EDDM3A: variants seen among roughly 807,000 people sequenced by gnomAD.
EDDM3A encodes the protein epididymal secretory protein E3-alpha.
For synonymous variants in EDDM3A, 75 were observed against 60.4 expected (o/e 1.24, Z -1.12); for missense variants, 199 against 177.4 (o/e 1.12, Z -0.69).
At chr14:20,736,609 C>T in the EDDM3A span, among the ~76,000 whole-genome samples, 1 of 152,162 alleles carries the variant, frequency 6.6e-6, no homozygotes, top group Non-Finnish European at 1.5e-5. Context: ...TCATATTACT[C>T]TTTGGTTTTC....
In EDDM3A at chr14:20,748,082, G is replaced by T; in HGVS notation, c.*58G>T. The T allele has an allele frequency of 7.3e-7, 1 of 1,372,478 alleles. No individual in the cohort carries two copies. The highest frequency in any genetic ancestry group is 9.9e-7 in the Non-Finnish European group (1 of 1,009,364). 85.0% of individuals were successfully genotyped at this position (1,372,478 alleles called of 1,614,324 possible). A position where few individuals can be genotyped will look rare whatever the true frequency, so the allele number is the denominator to read the frequency against. ...GTATTCAGTGCTTCCAAAGTGGTGG[G>T]CCCTGCCTCCATCAATAGCCCCTGC... is the stretch of plus-strand genomic sequence containing the variant. On this transcript the variant is annotated 3_prime_UTR_variant, in exon 2 of 2. Transcript: ENST00000326842.
intron 1 of EDDM3A, among the ~76,000 whole-genome samples, chr14:20,747,229 G>T (rs183866650): frequency 1.3e-5 from 2 of 150,992 alleles, no homozygotes; most frequent in African/African-American, 4.9e-5. Flanking sequence ...TCAGCCTCTC[G>T]AGTAGCTGGG....
chr14:20,741,640 C>T (rs1267820670), upstream of EDDM3A, among the ~76,000 whole-genome samples: 1 of 152,124 alleles, frequency 6.6e-6, no homozygotes, highest in Non-Finnish European at 1.5e-5. Context: ...GACCAAACCA[C>T]AAAGGGGCCA....
chr14:20,745,236 A>AC (rs1474090081), upstream of EDDM3A, among the ~76,000 whole-genome samples: 1 of 150,046 alleles, frequency 6.7e-6, no homozygotes, highest in Non-Finnish European at 1.5e-5. Flanking sequence ...AAAAAAAAAA[A>AC]AGGCAAAAGA....
chr14:20,744,647 C>T (rs1036421844), upstream of EDDM3A, among the ~76,000 whole-genome samples: 6 of 152,176 alleles, frequency 3.9e-5, no homozygotes, highest in African/African-American at 1.4e-4. Context: ...GAGTTCAGGA[C>T]TGAATCTTGA....
the EDDM3A span, among the ~76,000 whole-genome samples, chr14:20,736,773 C>T: frequency 3.3e-5 from 5 of 152,068 alleles, no homozygotes; most frequent in South Asian, 2.1e-4. Flanking sequence ...TGCAGTGGCA[C>T]GATTTCAGCT....
the EDDM3A span, among the ~76,000 whole-genome samples, chr14:20,736,601 A>G: frequency 1.3e-5 from 2 of 152,082 alleles, no homozygotes; most frequent in Non-Finnish European, 2.9e-5. Context: ...TTCCTTTCTC[A>G]TATTACTCTT....
chr14:20,738,288 A>G, the EDDM3A span, among the ~76,000 whole-genome samples: 1 of 152,050 alleles, frequency 6.6e-6, no homozygotes, highest in South Asian at 2.1e-4. Context: ...GCTGGCCAAC[A>G]TGGTGAAACC....
At chr14:20,736,949 G>T in the EDDM3A span, among the ~76,000 whole-genome samples, 2 of 152,076 alleles carry the variant, frequency 1.3e-5, no homozygotes, top group Non-Finnish European at 2.9e-5. Flanking sequence ...CTGAGCTCAG[G>T]GAATCTGCTT....
chr14:20,748,057 G>C lies in EDDM3A; in HGVS notation c.*33G>C, dbSNP rs763959977. Reference sequence around the variant, plus strand: ...ATGCACATCCTCAGATATTGGTAGAGTATTCAGTGCTTCCAAAGTGGTGGG... The same window carrying C: ...ATGCACATCCTCAGATATTGGTAGACTATTCAGTGCTTCCAAAGTGGTGGG... On this transcript the variant is annotated 3_prime_UTR_variant, in exon 2 of 2. Transcript: ENST00000326842. 5 of 1,523,674 alleles carry C rather than the reference G, an allele frequency of 3.3e-6. No homozygotes were observed. Among genetic ancestry groups the C allele is most frequent in the East Asian group, 4.5e-5 (2 of 44,188 alleles). 94.4% of individuals were successfully genotyped at this position (1,523,674 alleles called of 1,614,324 possible).
upstream of EDDM3A, among the ~76,000 whole-genome samples, chr14:20,741,112 C>T (rs901476051): frequency 6.6e-6 from 1 of 152,172 alleles, no homozygotes; most frequent in African/African-American, 2.4e-5. Context: ...TCCCATAATC[C>T]TACCTGGACC....
chr14:20,740,831 G>GTTTAAAGAAAGTGGAAAGAAATCC, the EDDM3A span, among the ~76,000 whole-genome samples: 3 of 152,004 alleles, frequency 2.0e-5, no homozygotes, highest in African/African-American at 7.3e-5. Context: ...ATGACAAGAT[G>GTTTAAAGAAAGTGGAAAGAAATCC]CAGGAATGGC....
At position 20,748,247 on chromosome 14, in the gene EDDM3A, C is replaced by T; in HGVS notation, c.*223C>T. The T allele has an allele frequency of 8.7e-6, 4 of 458,082 alleles. No homozygotes were observed. Among genetic ancestry groups the T allele is most frequent in the Non-Finnish European group, 4.0e-6 (1 of 251,692 alleles). 28.4% of individuals were successfully genotyped at this position (458,082 alleles called of 1,614,324 possible). A position where few individuals can be genotyped will look rare whatever the true frequency, so the allele number is the denominator to read the frequency against. On this transcript the variant is annotated 3_prime_UTR_variant, in exon 2 of 2. Transcript: ENST00000326842. ...TCCTAATTTGCCTAATTTACACCCACATTTTTTCCAAGATTCAGCTCATAT... is the reference window on the plus strand; with the variant it reads ...TCCTAATTTGCCTAATTTACACCCATATTTTTTCCAAGATTCAGCTCATAT...
chr14:20,741,411 A>T (rs1877430824), upstream of EDDM3A, among the ~76,000 whole-genome samples: 1 of 152,218 alleles, frequency 6.6e-6, no homozygotes. Flanking sequence ...GTTCACCGGC[A>T]GAGACCTGGT....
At chr14:20,736,165 A>C in the EDDM3A span, among the ~76,000 whole-genome samples, 1 of 149,728 alleles carries the variant, frequency 6.7e-6, no homozygotes, top group African/African-American at 2.5e-5. Flanking sequence ...GCTGGAGTGC[A>C]GTGGCCAGAT....
At chr14:20,743,307 T>G (rs1877491943), upstream of EDDM3A, among the ~76,000 whole-genome samples, 1 of 152,196 alleles carries the variant, frequency 6.6e-6, no homozygotes, top group Non-Finnish European at 1.5e-5. Flanking sequence ...CCCAGCACTT[T>G]GAGAGGCCAA....
intron 1 of EDDM3A, among the ~76,000 whole-genome samples, chr14:20,746,500 A>G (rs1594238866): frequency 6.6e-6 from 1 of 152,172 alleles, no homozygotes; most frequent in Admixed American, 6.5e-5. Context: ...CATACATCCT[A>G]TGCTGTGACC....
chr14:20,747,625 T>C lies in EDDM3A; in HGVS notation c.45T>C (p.Leu15=). ...LKIWGILLAL[L]CILCRLCVYS... is the part of the protein sequence containing the mutation. Reference sequence around the variant, plus strand: ...TTTGGGGCATACTCTTGGCCCTGCTTTGCATCCTTTGCAGGCTGTGTGTAT... The same window carrying C: ...TTTGGGGCATACTCTTGGCCCTGCTCTGCATCCTTTGCAGGCTGTGTGTAT... The change falls in exon 2 of 2, where the codon CTT becomes CTC. Residue 15 remains leucine, a synonymous_variant. Coordinates refer to ENST00000326842, the MANE Select transcript of EDDM3A (RefSeq NM_006683.5). 2 of 1,613,448 alleles carry C rather than the reference T, an allele frequency of 1.2e-6. No homozygotes were observed. Among genetic ancestry groups the C allele is most frequent in the South Asian group, 2.2e-5 (2 of 90,958 alleles).
chr14:20,740,287 G>C, the EDDM3A span, among the ~76,000 whole-genome samples: 7,125 of 152,292 alleles, frequency 0.047, 575 homozygotes, highest in African/African-American at 0.16. Context: ...AGCCTGGAGG[G>C]TCCTCATGGG....
Sources: allele counts gnomAD v4.1 joint callset (sites outside exome capture counted in the v4.1 genomes callset), GRCh38; gene constraint gnomAD v4.1.1; transcripts MANE v1.5; gene names NCBI Gene and HGNC (gene_info 2026-07-23, HGNC 2026-07-21).